Variants in SLC24A4 observed in about 807,000 individuals in gnomAD.
The protein encoded by SLC24A4 is solute carrier family 24 member 4.
In SLC24A4, 53 loss-of-function variants were observed where a neutral mutation model predicts 79.0. The observed-to-expected ratio is 0.67, with a 90% confidence interval of 0.54 to 0.84. SLC24A4 has a LOEUF of 0.84. Ranked by LOEUF, SLC24A4 falls within the 40% of genes least tolerant of loss-of-function variation. The pLI is 0.00. For missense variants in SLC24A4, 731 were observed against 822.0 expected (o/e 0.89, Z 1.35); for synonymous variants, 323 against 323.8 (o/e 1.00, Z 0.03).
chr14:92,501,032 T>C lies in SLC24A4; in HGVS notation c.*7404T>C, dbSNP rs926663265. The C allele has an allele frequency of 8.6e-5, 13 of 151,522 alleles. No homozygotes were observed. Among genetic ancestry groups the C allele is most frequent in the African/African-American group, 2.2e-4 (9 of 41,362 alleles). 9.4% of individuals were successfully genotyped at this position (151,522 alleles called of 1,614,324 possible). On this transcript the variant is annotated 3_prime_UTR_variant, in exon 17 of 17. Coordinates refer to ENST00000532405, the MANE Select transcript of SLC24A4 (RefSeq NM_153646.4). ...GCAGGTAGATGGAATCAGAGGACTC[T>C]TGTGTCCTGAAAGAACCTCCTTAAA...
intron 16 of SLC24A4, among the ~76,000 whole-genome samples, chr14:92,493,181 G>A (rs2139951620): frequency 6.6e-6 from 1 of 152,242 alleles, no homozygotes; most frequent in Middle Eastern, 3.4e-3. Context: ...ACATGCCTAC[G>A]ACCAGCCGGG....
chr14:92,446,645 C>T (rs1386814695), intron 8 of SLC24A4, among the ~76,000 whole-genome samples: 4 of 152,194 alleles, frequency 2.6e-5, no homozygotes, highest in Non-Finnish European at 5.9e-5. Context: ...GTTCCATGAT[C>T]TGGAGGTTAG....
intron 2 of SLC24A4, among the ~76,000 whole-genome samples, chr14:92,347,194 C>T (rs776095445): frequency 1.3e-4 from 20 of 152,304 alleles, no homozygotes; most frequent in Non-Finnish European, 2.5e-4. Flanking sequence ...AGTGATACGC[C>T]TTAGCCAGTG....
chr14:92,341,685 C>T (rs1379815310), intron 2 of SLC24A4, among the ~76,000 whole-genome samples: 1 of 152,132 alleles, frequency 6.6e-6, no homozygotes, highest in Non-Finnish European at 1.5e-5. Flanking sequence ...TTAAAGGAAA[C>T]CTTTGCCTCA....
At chr14:92,341,715 TG>T (rs1056634164) in intron 2 of SLC24A4, among the ~76,000 whole-genome samples, 4 of 151,794 alleles carry the variant, frequency 2.6e-5, no homozygotes, top group East Asian at 1.9e-4. Flanking sequence ...CCCAGGAAAA[TG>T]GGGGGAAATT....
intron 12 of SLC24A4, among the ~76,000 whole-genome samples, chr14:92,478,667 G>A (rs1189070106): frequency 6.9e-6 from 1 of 145,736 alleles, no homozygotes; most frequent in Non-Finnish European, 1.5e-5. Context: ...TTTTTTCCAA[G>A]ACTGTTTTGG....
chr14:92,452,924 C>T (rs1893231554), intron 10 of SLC24A4: 1 of 152,248 alleles, frequency 6.6e-6, no homozygotes, highest in African/African-American at 2.4e-5. Flanking sequence ...TACCCTAAAA[C>T]CCGTAAAGGA....
intron 12 of SLC24A4, among the ~76,000 whole-genome samples, chr14:92,471,610 A>T (rs747223036): frequency 4.6e-5 from 7 of 152,176 alleles, no homozygotes; most frequent in Non-Finnish European, 8.8e-5. Context: ...CAGGAGGTCT[A>T]GGAGTCCTGT....
chr14:92,323,019 A>G (rs534194217), upstream of SLC24A4, among the ~76,000 whole-genome samples: 1 of 151,912 alleles, frequency 6.6e-6, no homozygotes, highest in East Asian at 1.9e-4. The surrounding 1 kb of genome is among the most constrained non-coding windows in gnomAD (Gnocchi z 4.9). Flanking sequence ...TGGTCAGTAG[A>G]GGTCCAACTA....
intron 4 of SLC24A4, 28 bp from the exon 5 acceptor site, chr14:92,442,061 T>G: frequency 1.3e-6 from 2 of 1,595,088 alleles, no homozygotes; most frequent in Non-Finnish European, 1.7e-6. Context: ...CGTCACACCC[T>G]GAGGGTCTGT....
chr14:92,474,827 A>ATGTGTGTGTGTGTG (rs1484148777), intron 12 of SLC24A4, among the ~76,000 whole-genome samples: 19,512 of 77,032 alleles, frequency 0.25, 4,331 homozygotes, highest in Middle Eastern at 0.38. Flanking sequence ...ATATACATAT[A>ATGTGTGTGTGTGTG]TATGTGTGTG....
At chr14:92,435,819 T>C (rs959451699) in intron 3 of SLC24A4, among the ~76,000 whole-genome samples, 10 of 152,212 alleles carry the variant, frequency 6.6e-5, no homozygotes, top group African/African-American at 2.4e-4. Context: ...ATAACAGAGT[T>C]ATTATCTTTC....
At chr14:92,433,308 T>A (rs1891976808) in intron 2 of SLC24A4, among the ~76,000 whole-genome samples, 2 of 152,226 alleles carry the variant, frequency 1.3e-5, no homozygotes, top group Admixed American at 1.3e-4. Flanking sequence ...GATGAGTTGC[T>A]CAGAGCTGCC....
chr14:92,331,861 T>A (rs1317759417), intron 2 of SLC24A4, among the ~76,000 whole-genome samples: 3 of 152,248 alleles, frequency 2.0e-5, no homozygotes. Context: ...TTAGATGATC[T>A]GCTTCCACTT....
chr14:92,327,044 G>T (rs964758460), intron 2 of SLC24A4, among the ~76,000 whole-genome samples: 2 of 152,194 alleles, frequency 1.3e-5, no homozygotes, highest in African/African-American at 4.8e-5. Flanking sequence ...TTACAGGTCA[G>T]GAAAGATCTG....
intron 5 of SLC24A4, among the ~76,000 whole-genome samples, 155 bp downstream of exon 5, chr14:92,442,328 A>G (rs1892545840): frequency 6.6e-6 from 1 of 152,160 alleles, no homozygotes; most frequent in African/African-American, 2.4e-5. Context: ...TTCTTGGGGC[A>G]TGTGGTAGAG....
intron 2 of SLC24A4, among the ~76,000 whole-genome samples, chr14:92,430,717 C>G (rs1242586978): frequency 6.6e-6 from 1 of 152,222 alleles, no homozygotes; most frequent in Non-Finnish European, 1.5e-5. Context: ...CCCTCCTTTC[C>G]CTTCACTCCA....
intron 2 of SLC24A4, among the ~76,000 whole-genome samples, chr14:92,327,666 G>A (rs144533494): frequency 6.6e-6 from 1 of 152,310 alleles, no homozygotes; most frequent in African/African-American, 2.4e-5. Context: ...GTCGTACATA[G>A]CCTGAGTATG....
intron 2 of SLC24A4, among the ~76,000 whole-genome samples, chr14:92,385,833 C>G (rs373396324): frequency 6.6e-6 from 1 of 152,210 alleles, no homozygotes; most frequent in South Asian, 2.1e-4. Flanking sequence ...CCCAGCTCCC[C>G]CATCCCAGAC....
Sources: allele counts gnomAD v4.1 joint callset (sites outside exome capture counted in the v4.1 genomes callset), GRCh38; gene constraint gnomAD v4.1.1; non-coding constraint Gnocchi (gnomAD v3.1); transcripts MANE v1.5; gene names NCBI Gene and HGNC (gene_info 2026-07-23, HGNC 2026-07-21).